The following COL5A3 variants were observed in gnomAD, a reference collection of about 807,000 sequenced individuals.
COL5A3 encodes collagen type V alpha 3 chain.
A neutral mutation model predicts 250.0 loss-of-function variants in COL5A3; 172 were observed. The ratio of observed to expected loss-of-function variants is 0.69; its 90% CI spans 0.61 to 0.78. COL5A3 has a LOEUF of 0.78. Among genes scored for constraint, COL5A3 ranks in the 30% least tolerant of loss-of-function variants. The pLI is 0.00. For synonymous variants in COL5A3, 937 were observed against 900.4 expected, an observed-to-expected ratio of 1.04 and a Z score of -0.73; for missense variants, 2,340 against 2,334.4, an observed-to-expected ratio of 1.00 and a Z score of -0.05.
chr19:9,979,840 A>C lies in COL5A3; in HGVS notation c.2711T>G (p.Leu904Arg). The C allele has an allele frequency of 6.3e-7, 1 of 1,582,148 alleles. No homozygotes were observed. ...RPGHPGQRGE[L>R]GFQGQTGPPG... is the part of the protein sequence containing the mutation. ...ATCAAAGGTTGAGGGGTTACTCACC[A>C]GTTCTCCTCTCTGTCCAGGGTGCCC... Residue 904 changes from leucine (L) to arginine (R), a missense_variant and splice_region_variant, in exon 37 of 67, where the codon CTG (leucine) becomes CGG (arginine). Leu to Arg is a moderately radical substitution (Grantham distance 102). Transcript: ENST00000264828.
intron 30 of COL5A3, 110 bp from the exon 31 acceptor site, chr19:9,986,005 G>A (rs11670525): frequency 0.12 from 117,715 of 980,576 alleles, 8,818 homozygotes; most frequent in African/African-American, 0.32. Flanking sequence ...GGGAGTTGGG[G>A]AAACGAGGTT....
chr19:9,984,888 C>T (rs1390084578), intron 31 of COL5A3, among the ~76,000 whole-genome samples: 1 of 151,156 alleles, frequency 6.6e-6, no homozygotes, highest in Non-Finnish European at 1.5e-5. Context: ...TCTCCTTGGG[C>T]TCAGGTGATC....
At chr19:9,985,358 T>G (rs1198703419) in intron 31 of COL5A3, among the ~76,000 whole-genome samples, 3 of 151,280 alleles carry the variant, frequency 2.0e-5, no homozygotes, top group African/African-American at 7.3e-5. Flanking sequence ...CCTCCTGGGT[T>G]CAAGCGATTC....
rs566895187 is a variant in COL5A3, at chr19:9,960,713, C to T, written c.5029G>A (p.Glu1677Lys). Residue 1677 changes from glutamate (E) to lysine (K), a missense_variant, in exon 66 of 67, where the codon GAG becomes AAG. By Grantham distance (56) the Glu-to-Lys change is moderately conservative. Coordinates refer to ENST00000264828, the MANE Select transcript of COL5A3 (RefSeq NM_015719.4). ...HSARFLGTNG[E>K]ELSFNQTTAA... Reference sequence around the variant, plus strand: ...GTCGTCTGGTTGAAAGACAGCTCCTCTCCATTGGTGCCAAGGAAGCGGGCG... The same window carrying T: ...GTCGTCTGGTTGAAAGACAGCTCCTTTCCATTGGTGCCAAGGAAGCGGGCG... 2 of 1,614,092 alleles carry T rather than the reference C, an allele frequency of 1.2e-6. No homozygotes were observed. Among genetic ancestry groups the T allele is most frequent in the African/African-American group, 1.3e-5 (1 of 75,042 alleles).
In COL5A3 at chr19:9,978,926, C is replaced by A. The variant is rs776900579; in HGVS notation, c.2929G>T (p.Gly977Cys). Residue 977 changes from glycine (G) to cysteine (C), a missense_variant, in exon 40 of 67, where the codon GGC becomes TGC. By Grantham distance (159) the Gly-to-Cys change is radical (BLOSUM62 -3). Around this residue, in one of 3 missense-constraint regions of COL5A3, gnomAD observed 1,179 missense variants for 1,162.6 expected, o/e 1.01. Coordinates refer to ENST00000264828, the MANE Select transcript of COL5A3 (RefSeq NM_015719.4). The part of the protein sequence containing the change: ...LGKEGPAGLR[G>C]FPGPKGGPGD... ...GGGCCCCCTTTGGGGCCGGGAAAGC[C>A]CCTGAGTCCAGCTGGCCCTTCTTTC... The A allele has an allele frequency of 7.3e-6, 11 of 1,517,126 alleles. No individual in the cohort carries two copies. Among genetic ancestry groups the A allele is most frequent in the African/African-American group, 2.8e-5 (2 of 70,472 alleles). The allele number at this position is 1,517,126 out of a possible 1,614,324, so 94.0% of individuals were successfully genotyped here. A position where few individuals can be genotyped will look rare whatever the true frequency, so the allele number is the denominator to read the frequency against.
At position 9,966,356 on chromosome 19, in the gene COL5A3, C is replaced by T. The variant is rs781254667; in HGVS notation, c.4740G>A (p.Ala1580=). The change falls in exon 64 of 67, where the codon GCG becomes GCA. Residue 1580 remains alanine, a synonymous_variant. Transcript: ENST00000264828. ...DSFRVFCNFT[A]GGETCLYPDK... ...CGGGATAGAGGCAGGTCTCTCCTCCCGCCGTGAAGTTGCAAAAAACCCTGA... is the reference window on the plus strand; with the variant it reads ...CGGGATAGAGGCAGGTCTCTCCTCCTGCCGTGAAGTTGCAAAAAACCCTGA... The T allele has an allele frequency of 5.0e-6, 8 of 1,609,780 alleles. No homozygotes were observed. Among genetic ancestry groups the T allele is most frequent in the Admixed American group, 3.4e-5 (2 of 59,566 alleles).
chr19:9,989,967 G>A (rs1050432546), intron 24 of COL5A3, among the ~76,000 whole-genome samples: 9 of 151,770 alleles, frequency 5.9e-5, no homozygotes, highest in African/African-American at 2.2e-4. Context: ...GGCCAGGCTG[G>A]TCTCAAACTC....
chr19:10,006,725 T>C (rs1459439834), intron 1 of COL5A3, among the ~76,000 whole-genome samples: 1 of 152,002 alleles, frequency 6.6e-6, no homozygotes, highest in African/African-American at 2.4e-5. Flanking sequence ...CTCTTCCTTT[T>C]GACTACAGCC....
rs111955359 is a variant in COL5A3, at chr19:9,986,767, T to TTA, written c.2146-10_2146-9insTA. On this transcript the variant is annotated splice_polypyrimidine_tract_variant and intron_variant, in intron 27 of 66. Transcript: ENST00000264828. ...CGGTTGCCTGAAGTGCCCTGGAAAA[T>TTA]AAAAAAAAAAAGCTCTCAAGCCTCT... is the stretch of plus-strand genomic sequence containing the variant. 870 of 1,488,938 alleles carry TTA rather than the reference T, an allele frequency of 5.8e-4. 4 individuals carry two copies. The African/African-American group carries it at 6.7e-3, about 11-fold the overall frequency. The allele number at this position is 1,488,938 out of a possible 1,614,324, so 92.2% of individuals were successfully genotyped here.
intron 15 of COL5A3, 140 bp from the exon 16 acceptor site, chr19:9,995,757 C>G: frequency 1.6e-6 from 1 of 623,420 alleles, no homozygotes; most frequent in South Asian, 2.6e-5. Flanking sequence ...ACTCCCTCCT[C>G]AGCCTCCCAA....
In COL5A3 at chr19:10,009,321, G is replaced by C. The variant is rs958251597; in HGVS notation, c.88+977C>G. ...GAAGCTACGCCATCCCCTGACTCCCGAAGCGCCCCCCACTCTGAACCCTGA... is the reference window on the plus strand; with the variant it reads ...GAAGCTACGCCATCCCCTGACTCCCCAAGCGCCCCCCACTCTGAACCCTGA... On this transcript the variant is annotated intron_variant, in intron 1 of 66. Transcript: ENST00000264828. This position sits in a 1 kb window ranked among gnomAD's most constrained non-coding sequence, Gnocchi z 4.4. Among the ~76,000 whole-genome samples, 14 of 151,992 alleles carry C rather than the reference G, an allele frequency of 9.2e-5. No homozygotes were observed. Among genetic ancestry groups the C allele is most frequent in the Admixed American group, 7.9e-4 (12 of 15,256 alleles).
At position 9,991,670 on chromosome 19, in the gene COL5A3, G is replaced by A. The variant is rs1274690658; in HGVS notation, c.1948-16C>T. On this transcript the variant is annotated splice_polypyrimidine_tract_variant and intron_variant, in intron 23 of 66. Coordinates refer to ENST00000264828, the MANE Select transcript of COL5A3 (RefSeq NM_015719.4). ...CGGGGAGTCCCTGGAGACAGAAAAAGAAGATGAGAGAAGGCATAAGAAAGA... is the reference window on the plus strand; with the variant it reads ...CGGGGAGTCCCTGGAGACAGAAAAAAAAGATGAGAGAAGGCATAAGAAAGA... The A allele has an allele frequency of 6.2e-7, 1 of 1,612,968 alleles. No individual in the cohort carries two copies. The highest frequency in any genetic ancestry group is 2.2e-5 in the East Asian group (1 of 44,862).
At chr19:10,001,487 C>T (rs755080109) in intron 8 of COL5A3, 37 bp downstream of exon 8, 2 of 1,576,994 alleles carry the variant, frequency 1.3e-6, no homozygotes, top group African/African-American at 1.4e-5. Context: ...AGGAATCCCA[C>T]TCTCTTGCAC....
intron 4 of COL5A3, 102 bp from the exon 5 acceptor site, chr19:10,004,247 G>C (rs2087407544): frequency 2.6e-6 from 2 of 770,336 alleles, no homozygotes; most frequent in Admixed American, 2.1e-5. Flanking sequence ...CTGGCACCAG[G>C]GTGCAATGCT....
intron 32 of COL5A3, 37 bp downstream of exon 32, chr19:9,982,028 A>G: frequency 6.5e-7 from 1 of 1,531,398 alleles, no homozygotes; most frequent in South Asian, 1.1e-5. Context: ...CCCTCAGACA[A>G]GTTCTCCCCT....
At chr19:9,973,671 A>AG (rs970450053) in intron 49 of COL5A3, 48 bp from the exon 50 acceptor site, 1 of 1,610,880 alleles carries the variant, frequency 6.2e-7, no homozygotes, top group African/African-American at 1.3e-5. Flanking sequence ...CCTAGCAGAC[A>AG]GGGAGGGGCT....
At chr19:9,978,776 T>C (rs985528312) in intron 40 of COL5A3, 115 bp downstream of exon 40, 7 of 863,588 alleles carry the variant, frequency 8.1e-6, no homozygotes, top group African/African-American at 1.8e-5. Context: ...CCCTCCACCA[T>C]TTTTTTTGCT....
chr19:9,968,775 G>A lies in COL5A3; in HGVS notation c.4153-47C>T, dbSNP rs780162956. ...GTTAGGGATTCTCAAATGTGAACTC[G>A]AGGTCTGTGTGGGTGGTTAGGGGAT... On this transcript the variant is annotated intron_variant, in intron 57 of 66. Transcript: ENST00000264828. This position sits in a 1 kb window ranked among gnomAD's most constrained non-coding sequence, Gnocchi z 4.1. 3.9e-6 allele frequency: 6 copies of A among 1,548,018 alleles called. No individual in the cohort carries two copies. The African/African-American group carries it at 4.1e-5, about 11-fold the overall frequency.
rs777980646 is a variant in COL5A3 at position 9,989,134 on chromosome 19, C to G, written c.2135G>C (p.Arg712Pro). Residue 712 changes from arginine to proline, a missense_variant, in exon 27 of 67, where the codon CGG (arginine) becomes CCG (proline). Transcript: ENST00000264828. ...AAGCGTATCACCTACCTTCACTCCC[C>G]GAGGTCCAGGATAGCCCGGAGGGCC... ...SAGPPGYPGP[R>P]GVKGTSGNRG... 1.5e-5 allele frequency: 24 copies of G among 1,614,210 alleles called. No individual in the cohort carries two copies. Among genetic ancestry groups the G allele is most frequent in the East Asian group, 8.9e-5 (4 of 44,882 alleles).
Sources: allele counts gnomAD v4.1 joint callset (sites outside exome capture counted in the v4.1 genomes callset), GRCh38; gene constraint gnomAD v4.1.1; regional missense constraint gnomAD v4.1.1; non-coding constraint Gnocchi (gnomAD v3.1); transcripts MANE v1.5; gene names NCBI Gene and HGNC (gene_info 2026-07-23, HGNC 2026-07-21).